MAGI2: variants seen among roughly 807,000 people sequenced by gnomAD.
The protein encoded by MAGI2 is membrane associated guanylate kinase, WW and PDZ domain containing 2, also known as membrane-associated guanylate kinase, WW and PDZ domain-containing protein 2.
In MAGI2, 35 loss-of-function variants were observed where a neutral mutation model predicts 133.3. The ratio of observed to expected loss-of-function variants is 0.26; its 90% CI spans 0.20 to 0.35. The LOEUF is 0.35. Among genes scored for constraint, MAGI2 ranks in the 10% least tolerant of loss-of-function variants. MAGI2 has a pLI of 1.00. For synonymous variants in MAGI2, 729 were observed against 710.6 expected, an observed-to-expected ratio of 1.03 and a Z score of -0.41; for missense variants, 1,636 against 1,863.4, an observed-to-expected ratio of 0.88 and a Z score of 2.25.
intron 9 of MAGI2, among the ~76,000 whole-genome samples, chr7:78,270,099 G>A (rs1019204268): frequency 6.6e-6 from 1 of 152,068 alleles, no homozygotes; most frequent in Non-Finnish European, 1.5e-5. Flanking sequence ...TATTTCTGGG[G>A]CCTCTGTTCT....
At position 79,237,352 on chromosome 7, in the gene MAGI2, G is replaced by T. The variant is rs558918263; in HGVS notation, c.301+215668C>A. Reference sequence around the variant, plus strand: ...TACTAAAAATACAAAAAATTAGCCGGCGTGGTGGCAGGTGCCTGTAGTCCT... The same window carrying T: ...TACTAAAAATACAAAAAATTAGCCGTCGTGGTGGCAGGTGCCTGTAGTCCT... On this transcript the variant is annotated intron_variant, in intron 1 of 21. Coordinates refer to ENST00000354212, the MANE Select transcript of MAGI2 (RefSeq NM_012301.4). 1.4e-4 allele frequency among the ~76,000 whole-genome samples: 21 copies of T among 152,230 alleles called. No individual in the cohort carries two copies. The South Asian group carries it at 3.9e-3, about 29-fold the overall frequency.
At chr7:79,252,156 C>CAAAAAA (rs1208897198) in intron 1 of MAGI2, among the ~76,000 whole-genome samples, 15 of 102,538 alleles carry the variant, frequency 1.5e-4, no homozygotes, top group Admixed American at 2.6e-4. Flanking sequence ...GACCCTGTCT[C>CAAAAAA]AAAAAAAAAA....
chr7:78,250,333 T>C (rs1031171456), intron 10 of MAGI2, among the ~76,000 whole-genome samples: 2 of 152,010 alleles, frequency 1.3e-5, no homozygotes, highest in African/African-American at 4.8e-5. Context: ...GAAATAAATA[T>C]CTTAGACGGA....
chr7:79,452,298 CGGA>C (rs1849334932), intron 1 of MAGI2, among the ~76,000 whole-genome samples: 1 of 152,212 alleles, frequency 6.6e-6, no homozygotes, highest in Non-Finnish European at 1.5e-5. Context: ...CGCCTTCTTC[CGGA>C]GCCTCCTCCC....
rs1198393748 is a variant in MAGI2, at chr7:78,070,190, T to TAC, written c.3706+8756_3706+8757insGT. Among the ~76,000 whole-genome samples, 35 of 35,724 alleles carry TAC rather than the reference T, an allele frequency of 9.8e-4. 2 individuals carry two copies. Among genetic ancestry groups the TAC allele is most frequent in the African/African-American group, 2.5e-3 (35 of 13,726 alleles). The allele number at this position is 35,724 out of a possible 152,430, so 23.4% of individuals were successfully genotyped here. A position where few individuals can be genotyped will look rare whatever the true frequency, so the allele number is the denominator to read the frequency against. On this transcript the variant is annotated intron_variant, in intron 21 of 21. Transcript: ENST00000354212. ...ACACACACACATATATATATATATA[T>TAC]ATATATATATATATATATATATATA... is the stretch of plus-strand genomic sequence containing the variant.
Position 78,573,300 on chromosome 7 carries a change from ATT to A in MAGI2, c.539-51657_539-51656del, listed in dbSNP as rs1468094830. On this transcript the variant is annotated intron_variant, in intron 3 of 21. Transcript: ENST00000354212. Reference sequence around the variant, plus strand: ...TATATATATTTATATAAATATATATATTTATATATATAAATATATAAATATAT... The same window carrying A: ...TATATATATTTATATAAATATATATATATATATATAAATATATAAATATAT... Among the ~76,000 whole-genome samples, 20 of 54,492 alleles carry A rather than the reference ATT, an allele frequency of 3.7e-4. 1 individual carries two copies. Among genetic ancestry groups the A allele is most frequent in the South Asian group, 1.8e-3 (4 of 2,246 alleles). 35.7% of individuals were successfully genotyped at this position (54,492 alleles called of 152,430 possible).
At chr7:78,393,974 A>G (rs1796119654) in intron 6 of MAGI2, among the ~76,000 whole-genome samples, 1 of 152,226 alleles carries the variant, frequency 6.6e-6, no homozygotes, top group Non-Finnish European at 1.5e-5. Context: ...ATAAAGGGAA[A>G]GAGTAAAGCT....
At chr7:78,153,831 T>C (rs969865482) in intron 16 of MAGI2, among the ~76,000 whole-genome samples, 1 of 152,202 alleles carries the variant, frequency 6.6e-6, no homozygotes, top group Non-Finnish European at 1.5e-5. Context: ...ATATTTTAAA[T>C]GACAAAAGGA....
intron 1 of MAGI2, among the ~76,000 whole-genome samples, chr7:79,429,780 T>TA (rs1321707999): frequency 7.9e-5 from 12 of 152,140 alleles, no homozygotes; most frequent in African/African-American, 2.7e-4. Context: ...TCAGACATAT[T>TA]AAAACTGACT....
At chr7:78,467,365 G>T (rs1416270279) in intron 6 of MAGI2, among the ~76,000 whole-genome samples, 1 of 152,064 alleles carries the variant, frequency 6.6e-6, no homozygotes, top group African/African-American at 2.4e-5. Context: ...CAGAGGCAAG[G>T]AGATACTTCA....
chr7:78,649,825 C>T (rs922105968), intron 2 of MAGI2, among the ~76,000 whole-genome samples: 1 of 152,092 alleles, frequency 6.6e-6, no homozygotes, highest in Non-Finnish European at 1.5e-5. Flanking sequence ...CTGAACAGTC[C>T]TCATTTGTAA....
At chr7:78,855,048 G>A (rs528367203) in intron 2 of MAGI2, among the ~76,000 whole-genome samples, 2 of 151,696 alleles carry the variant, frequency 1.3e-5, no homozygotes, top group Middle Eastern at 3.4e-3. Flanking sequence ...GTAGAGATGC[G>A]GTTTCGCCAT....
chr7:78,932,110 T>TC (rs1584431101), intron 2 of MAGI2, among the ~76,000 whole-genome samples: 1 of 151,754 alleles, frequency 6.6e-6, no homozygotes, highest in African/African-American at 2.4e-5. Context: ...ATGCCCAAAT[T>TC]CCCCCATGGA....
intron 21 of MAGI2, among the ~76,000 whole-genome samples, chr7:78,057,977 G>GTATGTATATATATATATATATA (rs1812776156): frequency 3.8e-5 from 4 of 106,606 alleles, no homozygotes; most frequent in African/African-American, 1.3e-4. Context: ...ATATATATGT[G>GTATGTATATATATATATATATA]TATATATATA....
chr7:78,265,507 T>C lies in MAGI2; in HGVS notation c.1409-8926A>G, dbSNP rs1409973325. On this transcript the variant is annotated intron_variant, in intron 9 of 21. Transcript: ENST00000354212. ...AGTAGCAAACATTTTATCAGAGGGG[T>C]TGTATAAGATAAAAATAGGTTACTA... Among the ~76,000 whole-genome samples, 3 of 152,016 alleles carry C rather than the reference T, an allele frequency of 2.0e-5. No individual in the cohort carries two copies. In the East Asian group the frequency reaches 5.8e-4, roughly 29 times the overall value.
chr7:78,627,789 A>G (rs1808531794), intron 2 of MAGI2, among the ~76,000 whole-genome samples: 1 of 152,232 alleles, frequency 6.6e-6, no homozygotes, highest in Non-Finnish European at 1.5e-5. Flanking sequence ...CAAAACCTTT[A>G]CTATTACTTA....
intron 1 of MAGI2, among the ~76,000 whole-genome samples, chr7:79,123,422 C>G (rs1820087055): frequency 6.6e-6 from 1 of 152,266 alleles, no homozygotes. Context: ...TTTTACTTCT[C>G]TATGCCTCAG....
chr7:78,279,605 AC>A (rs1051554589), intron 9 of MAGI2, among the ~76,000 whole-genome samples: 9 of 152,048 alleles, frequency 5.9e-5, no homozygotes, highest in Non-Finnish European at 1.3e-4. Context: ...AGCTGATGAA[AC>A]CAAACTGATA....
At chr7:78,806,379 G>T (rs912448362) in intron 2 of MAGI2, among the ~76,000 whole-genome samples, 1 of 152,044 alleles carries the variant, frequency 6.6e-6, no homozygotes, top group African/African-American at 2.4e-5. Flanking sequence ...TATATTAAAA[G>T]TGTTCAATTA....
Sources: gnomAD v4.1 joint callset for allele counts (sites outside exome capture counted in the v4.1 genomes callset) on GRCh38, gnomAD v4.1.1 for gene constraint, MANE v1.5 for transcripts, NCBI Gene and HGNC (gene_info 2026-07-23, HGNC 2026-07-21) for gene names.